CCDC146: variants seen among roughly 807,000 people sequenced by gnomAD.
CCDC146 encodes coiled-coil domain-containing protein 146.
CCDC146 carries 92 observed loss-of-function variants against 119.3 expected under a neutral mutation model. That is an observed-to-expected ratio of 0.77 (90% CI 0.65 to 0.92). The LOEUF is 0.92. CCDC146 is among the 40% of genes least tolerant of loss of function. CCDC146 has a pLI of 0.00. For missense variants in CCDC146, 1,000 were observed against 1,103.0 expected (o/e 0.91, Z 1.32); for synonymous variants, 372 against 371.8 (o/e 1.00, Z -0.01).
intron 15 of CCDC146, among the ~76,000 whole-genome samples, chr7:77,286,161 G>A (rs1199388951): frequency 6.6e-6 from 1 of 152,186 alleles, no homozygotes; most frequent in African/African-American, 2.4e-5. Context: ...ATCTGGTGAG[G>A]GCCTCAGGAG....
chr7:77,230,736 T>C (rs891769489), intron 2 of CCDC146, among the ~76,000 whole-genome samples: 2 of 152,228 alleles, frequency 1.3e-5, no homozygotes, highest in Admixed American at 1.3e-4. Context: ...TTGGGATTCT[T>C]TGAGCTCCTG....
chr7:77,252,824 A>G (rs1793101372), intron 4 of CCDC146, among the ~76,000 whole-genome samples: 1 of 152,246 alleles, frequency 6.6e-6, no homozygotes. Context: ...TCATGCAGCC[A>G]CGTCTGTCCT....
chr7:77,293,735 C>A (rs549274264), intron 18 of CCDC146, among the ~76,000 whole-genome samples: 4 of 152,250 alleles, frequency 2.6e-5, no homozygotes, highest in Non-Finnish European at 5.9e-5. Context: ...ACTCCCCCTG[C>A]AAGTTAGATA....
intron 2 of CCDC146, among the ~76,000 whole-genome samples, chr7:77,169,352 A>T (rs1430092555): frequency 6.6e-6 from 1 of 152,054 alleles, no homozygotes; most frequent in African/African-American, 2.4e-5. Context: ...TTCCAGATTT[A>T]CCTTTTATTT....
chr7:77,199,800 A>G, intron 2 of CCDC146: 2 of 1,611,848 alleles, frequency 1.2e-6, no homozygotes, highest in Non-Finnish European at 1.7e-6. Context: ...TCATCTTTAC[A>G]GTGCTGCTCA....
chr7:77,167,086 A>G (rs1469592023), intron 1 of CCDC146, among the ~76,000 whole-genome samples: 2 of 152,196 alleles, frequency 1.3e-5, no homozygotes, highest in Admixed American at 6.5e-5. Context: ...CCCGTTGGCA[A>G]TTATTTTTAG....
intron 2 of CCDC146, chr7:77,194,916 T>G (rs1446311501): frequency 1.3e-5 from 2 of 152,144 alleles, no homozygotes; most frequent in African/African-American, 2.4e-5. Flanking sequence ...TTACAGATAC[T>G]TCTGTTTGGG....
chr7:77,155,150 T>G (rs1791162488), intron 1 of CCDC146, among the ~76,000 whole-genome samples: 1 of 152,244 alleles, frequency 6.6e-6, no homozygotes, highest in African/African-American at 2.4e-5. Context: ...TTCTGAAGCC[T>G]GCCTAAACTT....
At chr7:77,239,501 G>A (rs371210116) in intron 3 of CCDC146, among the ~76,000 whole-genome samples, 3 of 152,206 alleles carry the variant, frequency 2.0e-5, no homozygotes, top group African/African-American at 4.8e-5. Context: ...GGATGTATCT[G>A]TACTGAATTG....
At chr7:77,232,339 G>C (rs1383892764) in intron 2 of CCDC146, among the ~76,000 whole-genome samples, 1 of 152,110 alleles carries the variant, frequency 6.6e-6, no homozygotes, top group Non-Finnish European at 1.5e-5. Flanking sequence ...ATCTTGGGTG[G>C]TCACAGCCGT....
intron 2 of CCDC146, among the ~76,000 whole-genome samples, chr7:77,223,609 A>G (rs1792447696): frequency 6.6e-6 from 1 of 152,226 alleles, no homozygotes; most frequent in South Asian, 2.1e-4. Context: ...AGGCCAAATT[A>G]CCTTGCTCTG....
intron 2 of CCDC146, among the ~76,000 whole-genome samples, chr7:77,169,683 C>T (rs1791388649): frequency 6.6e-6 from 1 of 152,128 alleles, no homozygotes; most frequent in Non-Finnish European, 1.5e-5. Flanking sequence ...CAGTGTACAC[C>T]CTTCAGGTAG....
chr7:77,134,561 GTC>G (rs1491502162), intron 1 of CCDC146, among the ~76,000 whole-genome samples: 3,361 of 87,284 alleles, frequency 0.039, 96 homozygotes, highest in African/African-American at 0.13. Flanking sequence ...GTGTGTGTGT[GTC>G]TGTGTGTGTG....
At chr7:77,252,019 C>A (rs1793072050) in intron 4 of CCDC146, among the ~76,000 whole-genome samples, 1 of 151,990 alleles carries the variant, frequency 6.6e-6, no homozygotes, top group South Asian at 2.1e-4. Context: ...CGTGGTGGCA[C>A]GTGCCTATGG....
chr7:77,249,368 G>A (rs1204756868), intron 4 of CCDC146, among the ~76,000 whole-genome samples: 2 of 151,512 alleles, frequency 1.3e-5, no homozygotes, highest in Non-Finnish European at 1.5e-5. Flanking sequence ...CACACCTGTA[G>A]TCCCAGCTAC....
chr7:77,235,735 A>G (rs1488747054), intron 2 of CCDC146, among the ~76,000 whole-genome samples: 1 of 152,202 alleles, frequency 6.6e-6, no homozygotes, highest in Non-Finnish European at 1.5e-5. Flanking sequence ...GACTTGGGCC[A>G]GTGGGATCAG....
intron 2 of CCDC146, among the ~76,000 whole-genome samples, chr7:77,187,774 A>G (rs3095466): frequency 0.34 from 50,907 of 151,820 alleles, 9,257 homozygotes; most frequent in Non-Finnish European, 0.42. Context: ...TCCTTACCCA[A>G]GGTCCCCATA....
chr7:77,169,048 G>A (rs1791379989), intron 2 of CCDC146, among the ~76,000 whole-genome samples: 1 of 152,076 alleles, frequency 6.6e-6, no homozygotes, highest in Non-Finnish European at 1.5e-5. Flanking sequence ...TCTAGATTAT[G>A]TATTGCATTC....
At chr7:77,247,347 TCA>T (rs1792971921) in intron 4 of CCDC146, among the ~76,000 whole-genome samples, 1 of 97,678 alleles carries the variant, frequency 1.0e-5, no homozygotes, top group Non-Finnish European at 2.9e-5. Context: ...ATTTTGAAAC[TCA>T]GAAATACTCA....
Sources: gnomAD v4.1 joint callset for allele counts (sites outside exome capture counted in the v4.1 genomes callset) on GRCh38, gnomAD v4.1.1 for gene constraint, MANE v1.5 for transcripts, NCBI Gene and HGNC (gene_info 2026-07-23, HGNC 2026-07-21) for gene names.